Variants in PBX1 observed in about 807,000 individuals in gnomAD.
The protein encoded by PBX1 is PBX homeobox 1.
A neutral mutation model predicts 53.4 loss-of-function variants in PBX1; 6 were observed. The ratio of observed to expected loss-of-function variants is 0.11; its 90% CI spans 0.06 to 0.22. The LOEUF (loss-of-function observed/expected upper bound fraction) is 0.22, where lower values mean the gene tolerates loss of function less well. Among genes scored for constraint, PBX1 ranks in the 10% least tolerant of loss-of-function variants. The pLI, the probability that PBX1 is intolerant of heterozygous loss-of-function variation, is 1.00. For synonymous variants in PBX1, 204 were observed against 212.3 expected (o/e 0.96, Z 0.34); for missense variants, 251 against 551.4 (o/e 0.46, Z 5.46).
chr1:164,864,047 G>C (rs1308232027), intron 2 of PBX1, among the ~76,000 whole-genome samples: 1 of 152,168 alleles, frequency 6.6e-6, no homozygotes, highest in Non-Finnish European at 1.5e-5. Context: ...AGTCTGGTAA[G>C]CTGTGAAATA....
intron 2 of PBX1, among the ~76,000 whole-genome samples, chr1:164,859,693 A>G (rs897846052): frequency 1.3e-5 from 2 of 152,194 alleles, no homozygotes; most frequent in East Asian, 3.9e-4. Flanking sequence ...TCTGTAAATC[A>G]GCCTTGCATT....
At chr1:164,802,249 C>T (rs977882625) in intron 4 of PBX1, among the ~76,000 whole-genome samples, 1 of 152,210 alleles carries the variant, frequency 6.6e-6, no homozygotes, top group African/African-American at 2.4e-5. Context: ...TATTATCGCA[C>T]AGTTTCTGTT....
intron 2 of PBX1, among the ~76,000 whole-genome samples, chr1:164,612,803 A>T (rs543116854): frequency 4.9e-4 from 75 of 152,032 alleles, no homozygotes; most frequent in African/African-American, 1.8e-3. Context: ...GTCTCATGAG[A>T]TGTGATAAAG....
intron 2 of PBX1, among the ~76,000 whole-genome samples, chr1:164,656,796 C>T (rs1198984857): frequency 6.6e-6 from 1 of 152,022 alleles, no homozygotes; most frequent in African/African-American, 2.4e-5. Flanking sequence ...AGTTCTGCTA[C>T]AGGTATTCTT....
At chr1:164,690,325 G>C (rs1269026200) in intron 2 of PBX1, among the ~76,000 whole-genome samples, 2 of 152,136 alleles carry the variant, frequency 1.3e-5, no homozygotes, top group Non-Finnish European at 2.9e-5. Context: ...AGAGGCCTCT[G>C]TGCTTGCATT....
At chr1:164,610,606 C>G (rs1156842174) in intron 2 of PBX1, among the ~76,000 whole-genome samples, 1 of 151,986 alleles carries the variant, frequency 6.6e-6, no homozygotes, top group African/African-American at 2.4e-5. Context: ...AACAAACAAG[C>G]AGAATACCAG....
chr1:164,778,211 C>G (rs890440695), intron 2 of PBX1, among the ~76,000 whole-genome samples: 3 of 152,176 alleles, frequency 2.0e-5, no homozygotes, highest in Non-Finnish European at 4.4e-5. Flanking sequence ...AGATCAAAAA[C>G]TGGGTAACTT....
intron 2 of PBX1, among the ~76,000 whole-genome samples, chr1:164,881,401 AAAAGAAGGTAGGAAGGAAGGGAGGG>A: frequency 5.8e-5 from 1 of 17,208 alleles, no homozygotes; most frequent in Non-Finnish European, 2.7e-4. Context: ...AGGAAGGAGG[AAAAGAAGGTAGGAAGGAAGGGAGGG>A]AGGAAGGAAG....
At chr1:164,776,852 C>T (rs908159552) in intron 2 of PBX1, among the ~76,000 whole-genome samples, 4 of 148,856 alleles carry the variant, frequency 2.7e-5, no homozygotes, top group African/African-American at 1.0e-4. Context: ...TATGGCTGGG[C>T]TAAAATTTAA....
At chr1:164,711,842 G>C (rs141322615) in intron 2 of PBX1, among the ~76,000 whole-genome samples, 1 of 152,166 alleles carries the variant, frequency 6.6e-6, no homozygotes, top group East Asian at 1.9e-4. Flanking sequence ...GCCGTCTGCC[G>C]GACACTGAAA....
At chr1:164,744,875 G>A (rs1340006577) in intron 2 of PBX1, among the ~76,000 whole-genome samples, 1 of 152,028 alleles carries the variant, frequency 6.6e-6, no homozygotes, top group Admixed American at 6.5e-5. Flanking sequence ...TAAGAAGACA[G>A]TGGTGGGGGT....
At chr1:164,883,034 G>A (rs1164430227) in intron 2 of PBX1, among the ~76,000 whole-genome samples, 1 of 152,132 alleles carries the variant, frequency 6.6e-6, no homozygotes, top group Non-Finnish European at 1.5e-5. Context: ...AGTGAATTAG[G>A]CATATTACTG....
At chr1:164,561,648 A>G (rs1238350435) in intron 1 of PBX1, among the ~76,000 whole-genome samples, 2 of 152,184 alleles carry the variant, frequency 1.3e-5, no homozygotes, top group African/African-American at 4.8e-5. Context: ...TAGTAAGAAT[A>G]GATACTACTT....
chr1:164,673,714 G>T lies in PBX1; in HGVS notation c.265+110403G>T, dbSNP rs1033387745. ...CTTAAATTTTGACTTTGTAAATTCA[G>T]CAAAGAAAACATTTCTTTCAACCCT... On this transcript the variant is annotated intron_variant, in intron 2 of 8. Coordinates refer to ENST00000420696, the MANE Select transcript of PBX1 (RefSeq NM_002585.4). Among the ~76,000 whole-genome samples the T allele has an allele frequency of 3.9e-5, 6 of 151,996 alleles. 1 individual carries two copies. The highest frequency in any genetic ancestry group is 2.0e-4 in the Admixed American group (3 of 15,256).
Position 164,848,846 on chromosome 1 carries a change from G to A in PBX1, c.*2170G>A. On this transcript the variant is annotated 3_prime_UTR_variant, in exon 9 of 9. Coordinates refer to ENST00000420696, the MANE Select transcript of PBX1 (RefSeq NM_002585.4). ...TAGAAAACACTGTGTGTGCTCAGGG[G>A]AGCAGGGGATGCCACTGAAGAAACT... is the stretch of plus-strand genomic sequence containing the variant. The A allele has an allele frequency of 9.4e-7, 1 of 1,065,592 alleles. No homozygotes were observed. Among genetic ancestry groups the A allele is most frequent in the Non-Finnish European group, 1.1e-6 (1 of 879,598 alleles). 66.0% of individuals were successfully genotyped at this position (1,065,592 alleles called of 1,614,324 possible).
At chr1:164,575,435 C>T (rs1654152418) in intron 2 of PBX1, among the ~76,000 whole-genome samples, 1 of 152,158 alleles carries the variant, frequency 6.6e-6, no homozygotes, top group Non-Finnish European at 1.5e-5. Flanking sequence ...TTGAATCTGC[C>T]AGTAGGTCAG....
At chr1:164,612,602 T>C (rs900974735) in intron 2 of PBX1, among the ~76,000 whole-genome samples, 2 of 151,986 alleles carry the variant, frequency 1.3e-5, no homozygotes, top group Non-Finnish European at 2.9e-5. Context: ...GTCAGAAAAG[T>C]CCCATTTTTG....
At position 164,848,142 on chromosome 1, in the gene PBX1, A is replaced by G; in HGVS notation, c.*1466A>G. The G allele has an allele frequency of 1.9e-6, 2 of 1,050,956 alleles. No individual in the cohort carries two copies. The highest frequency in any genetic ancestry group is 1.1e-6 in the Non-Finnish European group (1 of 870,264). 65.1% of individuals were successfully genotyped at this position (1,050,956 alleles called of 1,614,324 possible). A position where few individuals can be genotyped will look rare whatever the true frequency, so the allele number is the denominator to read the frequency against. ...GAGAATCATGGGGAAAGGGAAGGTA[A>G]TGTTTTCATTGAAATCATCACAGTG... On this transcript the variant is annotated 3_prime_UTR_variant, in exon 9 of 9. Transcript: ENST00000420696.
intron 2 of PBX1, among the ~76,000 whole-genome samples, chr1:164,712,619 G>C (rs546358475): frequency 6.6e-6 from 1 of 152,324 alleles, no homozygotes; most frequent in South Asian, 2.1e-4. Flanking sequence ...TTGGGGGTCA[G>C]AGTGAGGTGG....
Sources: gnomAD v4.1 joint callset for allele counts (sites outside exome capture counted in the v4.1 genomes callset) on GRCh38, gnomAD v4.1.1 for gene constraint, MANE v1.5 for transcripts, NCBI Gene and HGNC (gene_info 2026-07-23, HGNC 2026-07-21) for gene names.